The following NXPH1 variants were observed in gnomAD, a reference collection of about 807,000 sequenced individuals.
NXPH1 encodes neurexophilin 1.
A neutral mutation model predicts 23.7 loss-of-function variants in NXPH1; 5 were observed. The ratio of observed to expected loss-of-function variants is 0.21; its 90% CI spans 0.11 to 0.44. The LOEUF (loss-of-function observed/expected upper bound fraction) is 0.44, where lower values mean the gene tolerates loss of function less well. Among genes scored for constraint, NXPH1 ranks in the 20% least tolerant of loss-of-function variants. The pLI is 0.99. For synonymous variants in NXPH1, 144 were observed against 122.2 expected (o/e 1.18, Z -1.18); for missense variants, 324 against 321.6 (o/e 1.01, Z -0.06).
chr7:8,588,240 A>G (rs1386094124), intron 2 of NXPH1, among the ~76,000 whole-genome samples: 2 of 152,174 alleles, frequency 1.3e-5, no homozygotes, highest in Non-Finnish European at 2.9e-5. Context: ...CAGCAGTCCC[A>G]TTACTGGGTA....
Position 8,435,650 on chromosome 7 carries a change from CTA to C in NXPH1, c.-62_-61del, listed in dbSNP as rs1331896043. On this transcript the variant is annotated 5_prime_UTR_variant, in exon 2 of 3. It removes an upstream start codon present in the reference 5' UTR. Coordinates refer to ENST00000405863, the MANE Select transcript of NXPH1 (RefSeq NM_152745.3). The surrounding 1 kb of genome is among the most constrained non-coding windows in gnomAD (Gnocchi z 5.9). Reference sequence around the variant, plus strand: ...TCTGTAAAGTGGATGTCAGGTGGATCTATGTTTCTGAAGGAACAAAGACTCAA... The same window carrying C: ...TCTGTAAAGTGGATGTCAGGTGGATCTGTTTCTGAAGGAACAAAGACTCAA... 27 of 1,461,112 alleles carry C rather than the reference CTA, an allele frequency of 1.8e-5. No homozygotes were observed. Among genetic ancestry groups the C allele is most frequent in the Non-Finnish European group, 2.4e-5 (25 of 1,040,858 alleles). The allele number at this position is 1,461,112 out of a possible 1,614,324, so 90.5% of individuals were successfully genotyped here.
At position 8,619,899 on chromosome 7, in the gene NXPH1, A is replaced by T. The variant is rs555944029; in HGVS notation, c.55-131109A>T. Among the ~76,000 whole-genome samples the T allele has an allele frequency of 5.3e-5, 8 of 152,332 alleles. No homozygotes were observed. In the South Asian group the frequency reaches 1.7e-3, roughly 32 times the overall value. On this transcript the variant is annotated intron_variant, in intron 2 of 2. Coordinates refer to ENST00000405863, the MANE Select transcript of NXPH1 (RefSeq NM_152745.3). ...AGAGAAATTGAGACTTGCTTCCTCAACTACCTACAACAAGTATGTGGTAAA... is the reference window on the plus strand; with the variant it reads ...AGAGAAATTGAGACTTGCTTCCTCATCTACCTACAACAAGTATGTGGTAAA...
At chr7:8,582,694 C>T (rs1818904170) in intron 2 of NXPH1, among the ~76,000 whole-genome samples, 2 of 152,098 alleles carry the variant, frequency 1.3e-5, no homozygotes, top group African/African-American at 4.8e-5. Flanking sequence ...GAAGTGCATG[C>T]TGATTGGTCC....
At chr7:8,511,809 T>C (rs573577466) in intron 2 of NXPH1, among the ~76,000 whole-genome samples, 1 of 152,304 alleles carries the variant, frequency 6.6e-6, no homozygotes, top group East Asian at 1.9e-4. Context: ...CTGAAGATTC[T>C]GGCACAATTT....
intron 2 of NXPH1, among the ~76,000 whole-genome samples, chr7:8,511,273 TG>T (rs1259522727): frequency 6.6e-6 from 1 of 152,168 alleles, no homozygotes; most frequent in Non-Finnish European, 1.5e-5. Context: ...GGTGACTTTC[TG>T]GGTTAATTAC....
At chr7:8,560,250 C>T (rs537073716) in intron 2 of NXPH1, among the ~76,000 whole-genome samples, 1 of 151,654 alleles carries the variant, frequency 6.6e-6, no homozygotes, top group East Asian at 2.0e-4. Context: ...TTCTCAAACC[C>T]AACCTTCTCA....
chr7:8,569,885 T>A (rs1818613872), intron 2 of NXPH1, among the ~76,000 whole-genome samples: 1 of 151,938 alleles, frequency 6.6e-6, no homozygotes, highest in African/African-American at 2.4e-5. Flanking sequence ...TGTGTGTCTA[T>A]GGGCATTCAC....
intron 2 of NXPH1, among the ~76,000 whole-genome samples, chr7:8,497,811 G>A (rs932004402): frequency 6.6e-6 from 1 of 152,098 alleles, no homozygotes. Context: ...CATTCTGTAG[G>A]TTGCCTGTTC....
At chr7:8,636,225 A>C (rs1382429539) in intron 2 of NXPH1, among the ~76,000 whole-genome samples, 1 of 152,144 alleles carries the variant, frequency 6.6e-6, no homozygotes, top group Non-Finnish European at 1.5e-5. Context: ...GGGATATTTG[A>C]GTAAATGTAA....
chr7:8,479,064 G>C (rs555479349), intron 2 of NXPH1, among the ~76,000 whole-genome samples: 2 of 152,152 alleles, frequency 1.3e-5, no homozygotes, highest in East Asian at 3.9e-4. Flanking sequence ...TAAAAATACT[G>C]TTTGTTAACT....
chr7:8,526,958 T>C (rs1259033106), intron 2 of NXPH1, among the ~76,000 whole-genome samples: 2 of 152,188 alleles, frequency 1.3e-5, no homozygotes, highest in Non-Finnish European at 1.5e-5. Context: ...TTTTAATTCC[T>C]GTTCTTGTAA....
chr7:8,466,368 C>A (rs946765232), intron 2 of NXPH1, among the ~76,000 whole-genome samples: 10 of 152,128 alleles, frequency 6.6e-5, no homozygotes, highest in African/African-American at 2.4e-4. Flanking sequence ...GAACGATGAG[C>A]TCTTTTTATT....
intron 2 of NXPH1, among the ~76,000 whole-genome samples, chr7:8,571,894 A>G (rs577258412): frequency 6.6e-6 from 1 of 151,848 alleles, no homozygotes; most frequent in African/African-American, 2.4e-5. Flanking sequence ...AAAAAAAAAA[A>G]AACACTTGGT....
intron 2 of NXPH1, among the ~76,000 whole-genome samples, chr7:8,609,753 C>T (rs1175543494): frequency 6.6e-6 from 1 of 152,076 alleles, no homozygotes; most frequent in Admixed American, 6.6e-5. Flanking sequence ...TATTTTCTCC[C>T]AAGCTCTCAG....
chr7:8,576,037 G>A (rs977186530), intron 2 of NXPH1, among the ~76,000 whole-genome samples: 2 of 152,134 alleles, frequency 1.3e-5, no homozygotes, highest in Non-Finnish European at 2.9e-5. Flanking sequence ...GGGTATACCT[G>A]CTTCTCTGAT....
chr7:8,573,215 C>T (rs1818684297), intron 2 of NXPH1, among the ~76,000 whole-genome samples: 1 of 151,874 alleles, frequency 6.6e-6, no homozygotes, highest in Non-Finnish European at 1.5e-5. Flanking sequence ...TCATTTAAAC[C>T]AATCATACAT....
chr7:8,669,927 G>A (rs911423206), intron 2 of NXPH1, among the ~76,000 whole-genome samples: 4 of 152,164 alleles, frequency 2.6e-5, no homozygotes, highest in South Asian at 4.1e-4. Flanking sequence ...TCAAATTGAT[G>A]TTTCTGCAGG....
chr7:8,479,850 T>C (rs1367828147), intron 2 of NXPH1, among the ~76,000 whole-genome samples: 1 of 152,116 alleles, frequency 6.6e-6, no homozygotes, highest in Non-Finnish European at 1.5e-5. Flanking sequence ...AAGTTAAATG[T>C]GTGAGTAGAT....
intron 2 of NXPH1, among the ~76,000 whole-genome samples, chr7:8,590,217 G>A (rs1819063704): frequency 6.6e-6 from 1 of 152,026 alleles, no homozygotes; most frequent in Admixed American, 6.6e-5. Flanking sequence ...GATACTGGAG[G>A]GTGGGTTTAG....
Sources: gnomAD v4.1 joint callset for allele counts (sites outside exome capture counted in the v4.1 genomes callset) on GRCh38, gnomAD v4.1.1 for gene constraint, Gnocchi (gnomAD v3.1) non-coding constraint, MANE v1.5 for transcripts, NCBI Gene and HGNC (gene_info 2026-07-23, HGNC 2026-07-21) for gene names.